NRAP: variants seen among roughly 807,000 people sequenced by gnomAD.
The protein encoded by NRAP is nebulin related anchoring protein.
NRAP carries 189 observed loss-of-function variants against 225.9 expected under a neutral mutation model. That is an observed-to-expected ratio of 0.84 (90% confidence interval 0.74 to 0.94). NRAP has a LOEUF of 0.94. Ranked by LOEUF, NRAP falls within the 40% of genes least tolerant of loss-of-function variation. The pLI, the probability that NRAP is intolerant of heterozygous loss-of-function variation, is 0.00. For missense variants in NRAP, 2,176 were observed against 2,168.7 expected, an observed-to-expected ratio of 1.00 and a Z score of -0.07; for synonymous variants, 769 against 790.7, an observed-to-expected ratio of 0.97 and a Z score of 0.46.
intron 35 of NRAP, among the ~76,000 whole-genome samples, chr10:113,603,178 T>C (rs1180428376): frequency 3.3e-5 from 5 of 152,216 alleles, no homozygotes; most frequent in Non-Finnish European, 7.3e-5. Context: ...ATTATCGTCA[T>C]GTTCCATGCC....
At chr10:113,593,850 C>T (rs775308662) in intron 38 of NRAP, among the ~76,000 whole-genome samples, 2 of 152,244 alleles carry the variant, frequency 1.3e-5, no homozygotes, top group Non-Finnish European at 2.9e-5. Flanking sequence ...GATGCAACAT[C>T]GAAGTCCAAT....
intron 18 of NRAP, among the ~76,000 whole-genome samples, chr10:113,630,521 A>G (rs1381439301): frequency 2.6e-5 from 4 of 152,134 alleles, no homozygotes; most frequent in Non-Finnish European, 5.9e-5. Context: ...CTATAGTAGA[A>G]GGAGTGTGGT....
Position 113,626,097 on chromosome 10 carries a change from C to T in NRAP, c.2194G>A (p.Asp732Asn), listed in dbSNP as rs760696258. The T allele has an allele frequency of 1.2e-5, 19 of 1,612,106 alleles. No homozygotes were observed. In the Admixed American group the frequency reaches 1.7e-4, roughly 14 times the overall value. Residue 732 changes from aspartate to asparagine, a missense_variant, in exon 21 of 42, where the codon GAC becomes AAC. This residue lies in a region of NRAP where 1,708 missense variants were observed against 1,695.5 expected (regional missense o/e 1.01). Transcript: ENST00000359988. Reference protein sequence around the residue: ...VDELKFTSVTDSSQMEHAKKS... With the variant: ...VDELKFTSVTNSSQMEHAKKS... ...TTGGCGTGCTCCATCTGGGAGCTGTCGGTCACGCTGGTGAACTTCAGCTCA... is the reference window on the plus strand; with the variant it reads ...TTGGCGTGCTCCATCTGGGAGCTGTTGGTCACGCTGGTGAACTTCAGCTCA...
intron 11 of NRAP, among the ~76,000 whole-genome samples, chr10:113,645,071 G>C (rs982100940): frequency 2.6e-5 from 4 of 152,202 alleles, no homozygotes; most frequent in Non-Finnish European, 5.9e-5. Flanking sequence ...CAGGCAGCCA[G>C]TGCAGCATGT....
In NRAP at chr10:113,617,509, A is replaced by G; in HGVS notation, c.2919T>C (p.Ile973=). 1 of 1,612,886 alleles carries G rather than the reference A, an allele frequency of 6.2e-7. No homozygotes were observed. The highest frequency in any genetic ancestry group is 8.5e-7 in the Non-Finnish European group (1 of 1,178,948). Residue 973 remains isoleucine (I), a synonymous_variant, in exon 26 of 42, where the codon ATT becomes ATC. Transcript: ENST00000359988. The stretch of plus-strand genomic sequence containing the variant: ...CCTGGACCATCTCCGGAGTGTCTTT[A>G]ATACTGGTAAACTTCAAAGCATCTG... The part of the protein sequence containing the change: ...QHPDALKFTS[I]KDTPEMVQAR...
intron 28 of NRAP, 115 bp downstream of exon 28, chr10:113,614,724 A>C: frequency 1.5e-6 from 1 of 685,854 alleles, no homozygotes; most frequent in Non-Finnish European, 2.7e-6. Flanking sequence ...TGACACAGTC[A>C]GTTCGGAGAG....
chr10:113,603,570 C>T (rs1321559644), intron 35 of NRAP, among the ~76,000 whole-genome samples: 1 of 152,186 alleles, frequency 6.6e-6, no homozygotes, highest in Non-Finnish European at 1.5e-5. Flanking sequence ...CAAAGGCGAG[C>T]AGTCAGTGAG....
At chr10:113,612,646 C>G (rs1037343210) in intron 29 of NRAP, among the ~76,000 whole-genome samples, 2 of 152,158 alleles carry the variant, frequency 1.3e-5, no homozygotes, top group Non-Finnish European at 2.9e-5. Flanking sequence ...GGTCATTGAT[C>G]TGGATGAAGA....
chr10:113,590,846 A>G lies in NRAP; in HGVS notation c.4688T>C (p.Ile1563Thr), dbSNP rs1206686476. ...GTCATCGTCGACACTGCGGTACCCG[A>G]TCTGCAGGCCTCGGTCCCGCAGGAA... ...EAFLRDRGLQ[I>T]GYRSVDDDPR... Residue 1563 changes from isoleucine (I) to threonine (T), a missense_variant, in exon 40 of 42, where the codon ATC becomes ACC. Around this residue, in one of 3 missense-constraint regions of NRAP, gnomAD observed 445 missense variants for 426.1 expected, o/e 1.04. Transcript: ENST00000359988. 4 of 1,614,064 alleles carry G rather than the reference A, an allele frequency of 2.5e-6. No individual in the cohort carries two copies. The East Asian group carries it at 8.9e-5, about 36-fold the overall frequency.
rs2286735 is a variant in NRAP, at chr10:113,629,607, G to A, written c.2021C>T (p.Ala674Val). 495,439 of 1,607,510 alleles carry A rather than the reference G, an allele frequency of 0.31. 78,212 individuals are homozygous for A. The highest frequency in any genetic ancestry group is 0.42 in the Admixed American group (25,032 of 59,990). Residue 674 changes from alanine (A) to valine (V), a missense_variant, in exon 19 of 42, where the codon GCC becomes GTC. This residue lies in a region of NRAP where 1,708 missense variants were observed against 1,695.5 expected (regional missense o/e 1.01). Coordinates refer to ENST00000359988, the MANE Select transcript of NRAP (RefSeq NM_198060.4). ...GCTCACCTCGCTCTGGAGCCCATAG[G>A]CCTTCTTGGCCCACTGAGTCTTCAT... The part of the protein sequence containing the change: ...EDMKTQWAKK[A>V]YGLQSELQYK...
rs773527318 is a variant in NRAP, at chr10:113,634,230, A to G, written c.1429-20T>C. 6.6e-7 allele frequency: 1 copy of G among 1,511,108 alleles called. No individual in the cohort carries two copies. The highest frequency in any genetic ancestry group is 2.3e-5 in the East Asian group (1 of 44,232). 93.6% of individuals were successfully genotyped at this position (1,511,108 alleles called of 1,614,324 possible). On this transcript the variant is annotated intron_variant, in intron 14 of 41. Coordinates refer to ENST00000359988, the MANE Select transcript of NRAP (RefSeq NM_198060.4). ...ATTGGCCTAGGTAAAAACAGGCACA[A>G]AAAGATGTCATTTGCTCTTTTCTCA...
intron 35 of NRAP, among the ~76,000 whole-genome samples, chr10:113,603,504 C>T (rs74408848): frequency 0.022 from 3,360 of 152,180 alleles, 122 homozygotes; most frequent in African/African-American, 0.077. Context: ...TGACCTCATC[C>T]CTAAAACAGG....
At chr10:113,635,710 G>A (rs1428935441) in intron 14 of NRAP, among the ~76,000 whole-genome samples, 1 of 152,184 alleles carries the variant, frequency 6.6e-6, no homozygotes, top group African/African-American at 2.4e-5. Flanking sequence ...TTACAGGCGT[G>A]AGCCACCACA....
At chr10:113,618,018 C>T (rs3127085) in intron 25 of NRAP, among the ~76,000 whole-genome samples, 131,796 of 152,070 alleles carry the variant, frequency 0.87, 57,302 homozygotes, top group South Asian at 0.9. Context: ...AGCCCGCGAG[C>T]GTATGCCGTC....
At chr10:113,607,789 T>A (rs527825909) in intron 32 of NRAP, among the ~76,000 whole-genome samples, 48 of 152,322 alleles carry the variant, frequency 3.2e-4, no homozygotes, top group South Asian at 6.2e-4. Context: ...ATTTTGAACC[T>A]GTAAGAGAGC....
chr10:113,614,133 C>T (rs748924258), intron 29 of NRAP, 50 bp downstream of exon 29: 10 of 1,188,616 alleles, frequency 8.4e-6, no homozygotes, highest in Admixed American at 5.1e-5. Context: ...ATGCAGTGAG[C>T]GTTGTCAGGT....
At position 113,654,107 on chromosome 10, in the gene NRAP, A is replaced by G. The variant is rs1850157530; in HGVS notation, c.379T>C (p.Tyr127His). 2 of 1,610,906 alleles carry G rather than the reference A, an allele frequency of 1.2e-6. No homozygotes were observed. Among genetic ancestry groups the G allele is most frequent in the Admixed American group, 1.7e-5 (1 of 59,986 alleles). The change falls in exon 5 of 42, where the codon TAT (tyrosine) becomes CAT (histidine). Residue 127 changes from tyrosine to histidine, a missense_variant. By Grantham distance (83) the Tyr-to-His change is moderately conservative. Transcript: ENST00000359988. Reference protein sequence around the residue: ...LANERAYWTGYGEGNAWCPGA... With the variant: ...LANERAYWTGHGEGNAWCPGA... ...GGGCACCAAGCATTCCCTTCCCCAT[A>G]TCCAGTCCAATAGGCTCTCTACAAA...
In NRAP at chr10:113,612,258, C is replaced by T. The variant is rs1847376837; in HGVS notation, c.3474G>A (p.Lys1158=). The stretch of plus-strand genomic sequence containing the variant: ...CCTCACTCTGCAATTTGTGAGCTTT[C>T]TTGGCACAGCTCAGCCTCAGGTCTT... ...LAEDLRLSCA[K]KAHKLQSENL... Residue 1158 remains lysine (K), a synonymous_variant, in exon 30 of 42, where the codon AAG becomes AAA. Coordinates refer to ENST00000359988, the MANE Select transcript of NRAP (RefSeq NM_198060.4). 6.2e-7 allele frequency: 1 copy of T among 1,614,146 alleles called. No individual in the cohort carries two copies. Among genetic ancestry groups the T allele is most frequent in the Admixed American group, 1.7e-5 (1 of 60,028 alleles).
chr10:113,650,502 C>T lies in NRAP; in HGVS notation c.719G>A (p.Ser240Asn), dbSNP rs769671621. 2.1e-5 allele frequency: 34 copies of T among 1,613,746 alleles called. 1 individual carries two copies. The Admixed American group carries it at 5.7e-4, about 27-fold the overall frequency. Residue 240 changes from serine to asparagine, a missense_variant, in exon 8 of 42, where the codon AGT becomes AAT. This residue lies in a region of NRAP where 1,708 missense variants were observed against 1,695.5 expected (regional missense o/e 1.01). Coordinates refer to ENST00000359988, the MANE Select transcript of NRAP (RefSeq NM_198060.4). Reference protein sequence around the residue: ...EDYEQQRGKGSFPAMITPAYQ... With the variant: ...EDYEQQRGKGNFPAMITPAYQ... ...GGCGGGTGTGATCATCGCAGGGAAA[C>T]TGCCTTTCCCTCTTTGTTGTTCATA... is the stretch of plus-strand genomic sequence containing the variant.
Sources: allele counts gnomAD v4.1 joint callset (sites outside exome capture counted in the v4.1 genomes callset), GRCh38; gene constraint gnomAD v4.1.1; regional missense constraint gnomAD v4.1.1; transcripts MANE v1.5; gene names NCBI Gene and HGNC (gene_info 2026-07-23, HGNC 2026-07-21).